Variants in ZNF723 observed in about 807,000 individuals in gnomAD.
ZNF723 encodes the protein zinc finger protein 723.
Under a neutral mutation model 9.4 loss-of-function variants are expected in ZNF723, and 5 were observed. That is an observed-to-expected ratio of 0.53 (90% CI 0.28 to 1.12). The LOEUF is 1.12. ZNF723 is among the 50% of genes most tolerant of loss of function. The probability of loss-of-function intolerance (pLI) is 0.10; values close to 1 mark genes in which losing one functional copy is unlikely to be tolerated. For missense variants in ZNF723, 450 were observed against 501.5 expected (o/e 0.90, Z 0.98); for synonymous variants, 158 against 168.8 (o/e 0.94, Z 0.49).
the ZNF723 span, among the ~76,000 whole-genome samples, chr19:22,823,866 G>T: frequency 1.3e-5 from 2 of 152,198 alleles, no homozygotes; most frequent in African/African-American, 2.4e-5. Flanking sequence ...ATATCACTGA[G>T]CCCAGCACCT....
At chr19:22,821,388 T>G in the ZNF723 span, among the ~76,000 whole-genome samples, 100 of 152,252 alleles carry the variant, frequency 6.6e-4, no homozygotes, top group East Asian at 0.01. Context: ...GACATCCTGC[T>G]GGACCCATCG....
chr19:22,837,510 AAT>A (rs1284565800), intron 1 of ZNF723, among the ~76,000 whole-genome samples: 2 of 152,144 alleles, frequency 1.3e-5, no homozygotes, highest in African/African-American at 2.4e-5. Flanking sequence ...TGCCAGAAAA[AAT>A]ATCATGGAGG....
intron 1 of ZNF723, among the ~76,000 whole-genome samples, chr19:22,845,097 T>C (rs1354000486): frequency 6.6e-6 from 1 of 152,138 alleles, no homozygotes; most frequent in Admixed American, 6.5e-5. Flanking sequence ...CCAGCCTGGG[T>C]GACAGAGCGA....
At chr19:22,825,941 T>C in the ZNF723 span, among the ~76,000 whole-genome samples, 1 of 152,262 alleles carries the variant, frequency 6.6e-6, no homozygotes, top group Non-Finnish European at 1.5e-5. Flanking sequence ...AATTACGACA[T>C]ATTGCTGAGT....
At chr19:22,838,759 T>C (rs1157231770) in intron 1 of ZNF723, among the ~76,000 whole-genome samples, 1 of 152,006 alleles carries the variant, frequency 6.6e-6, no homozygotes, top group African/African-American at 2.4e-5. Context: ...ATTATTATTA[T>C]TTTTTGAGAT....
rs760924027 is a variant in ZNF723, at chr19:22,846,813, C to CTTTT, written c.4-1423_4-1420dup. Among the ~76,000 whole-genome samples, 10 of 69,132 alleles carry CTTTT rather than the reference C, an allele frequency of 1.4e-4. 1 individual carries two copies. The highest frequency in any genetic ancestry group is 5.6e-4 in the South Asian group (1 of 1,798). 45.4% of individuals were successfully genotyped at this position (69,132 alleles called of 152,430 possible). ...ATGGTTGCATTCAGCCTATAATTTC[C>CTTTT]TTTTTTTTTTTTTTTTTTTTTTTTT... On this transcript the variant is annotated intron_variant, in intron 1 of 3. Coordinates refer to ENST00000600766, the MANE Select transcript of ZNF723 (RefSeq NM_001349726.2).
At chr19:22,847,266 T>C (rs1181113263) in intron 1 of ZNF723, among the ~76,000 whole-genome samples, 1 of 151,520 alleles carries the variant, frequency 6.6e-6, no homozygotes, top group Non-Finnish European at 1.5e-5. Context: ...CTTTTTTTTT[T>C]TAATTAAGTA....
intron 3 of ZNF723, among the ~76,000 whole-genome samples, chr19:22,852,811 G>C (rs940270257): frequency 6.6e-6 from 1 of 151,898 alleles, no homozygotes; most frequent in Non-Finnish European, 1.5e-5. Context: ...ACAGCTACCA[G>C]TTTTTTTCAT....
intron 1 of ZNF723, among the ~76,000 whole-genome samples, chr19:22,840,225 G>A (rs1231317772): frequency 2.0e-5 from 3 of 151,876 alleles, no homozygotes; most frequent in Non-Finnish European, 2.9e-5. Flanking sequence ...AGGCTGGAGT[G>A]CAATGGCATG....
intron 1 of ZNF723, among the ~76,000 whole-genome samples, chr19:22,838,555 AAG>A (rs1469471300): frequency 6.6e-6 from 1 of 151,910 alleles, no homozygotes; most frequent in African/African-American, 2.4e-5. Flanking sequence ...CTGTCTCAAA[AAG>A]AAAAAAAAAG....
intron 1 of ZNF723, chr19:22,840,660 G>A (rs952578825): frequency 1.3e-5 from 2 of 152,108 alleles, no homozygotes; most frequent in African/African-American, 2.4e-5. Flanking sequence ...TTGCTCAGAT[G>A]GAGAGCTGTT....
intron 3 of ZNF723, among the ~76,000 whole-genome samples, chr19:22,852,849 G>A (rs979013516): frequency 6.6e-6 from 1 of 151,812 alleles, no homozygotes; most frequent in Non-Finnish European, 1.5e-5. Flanking sequence ...ATGCCACTAT[G>A]TTTTCTGTTT....
chr19:22,847,124 G>GGAAT (rs946196062), intron 1 of ZNF723, among the ~76,000 whole-genome samples: 3 of 150,934 alleles, frequency 2.0e-5, no homozygotes, highest in African/African-American at 7.3e-5. Flanking sequence ...TGCCCAGCTT[G>GGAAT]GAATGTAGTG....
At chr19:22,843,563 C>T (rs1410250170) in intron 1 of ZNF723, among the ~76,000 whole-genome samples, 2 of 152,096 alleles carry the variant, frequency 1.3e-5, no homozygotes, top group East Asian at 3.9e-4. Context: ...ATCCAGGAAC[C>T]ATCCAGGAAC....
chr19:22,858,612 A>G lies in ZNF723; in HGVS notation c.*179A>G, dbSNP rs1055440905. On this transcript the variant is annotated 3_prime_UTR_variant, in exon 4 of 4. Coordinates refer to ENST00000600766, the MANE Select transcript of ZNF723 (RefSeq NM_001349726.2). ...AACAACGTCTCTACTAAAATACAAA[A>G]AAAATTAGCCGGGTGTAGTGGTGGG... is the stretch of plus-strand genomic sequence containing the variant. 8 of 431,448 alleles carry G rather than the reference A, an allele frequency of 1.9e-5. No homozygotes were observed. Among genetic ancestry groups the G allele is most frequent in the African/African-American group, 1.0e-4 (5 of 49,164 alleles). 26.7% of individuals were successfully genotyped at this position (431,448 alleles called of 1,614,324 possible).
upstream of ZNF723, among the ~76,000 whole-genome samples, chr19:22,829,245 C>A (rs949869133): frequency 6.8e-6 from 1 of 147,986 alleles, no homozygotes; most frequent in African/African-American, 2.5e-5. Flanking sequence ...AAAAAAAACA[C>A]AGTTCTGCTA....
upstream of ZNF723, among the ~76,000 whole-genome samples, chr19:22,828,819 A>G (rs1479550183): frequency 6.6e-6 from 1 of 152,146 alleles, no homozygotes; most frequent in Non-Finnish European, 1.5e-5. Context: ...GGCCAGGTTT[A>G]TATTTTTCTT....
chr19:22,831,887 G>C (rs1378744284), upstream of ZNF723, among the ~76,000 whole-genome samples: 1 of 144,818 alleles, frequency 6.9e-6, no homozygotes, highest in East Asian at 2.0e-4. Flanking sequence ...CATCCTGGGC[G>C]ACAAGAGCGA....
chr19:22,858,259 AG>A lies in ZNF723; in HGVS notation c.1369del (p.Glu457AsnfsTer17). 1 of 1,328,556 alleles carries A rather than the reference AG, an allele frequency of 7.5e-7. No individual in the cohort carries two copies. Among genetic ancestry groups the A allele is most frequent in the Non-Finnish European group, 1.1e-6 (1 of 922,698 alleles). The allele number at this position is 1,328,556 out of a possible 1,614,324, so 82.3% of individuals were successfully genotyped here. Reference protein sequence around the residue: ...HTKEKPYKCEECGKAFNQYST... With the variant: ...HTKEKPYKCEXCGKAFNQYST... Reference sequence around the variant, plus strand: ...CTAAAGAGAAACCCTACAAATGTGAAGAATGTGGCAAAGCTTTTAACCAATA... The same window carrying A: ...CTAAAGAGAAACCCTACAAATGTGAAAATGTGGCAAAGCTTTTAACCAATA... On this transcript the variant is annotated frameshift_variant, in exon 4 of 4. Coordinates refer to ENST00000600766, the MANE Select transcript of ZNF723 (RefSeq NM_001349726.2). LOFTEE classifies it low-confidence loss of function (END_TRUNC).
Sources: gnomAD v4.1 joint callset for allele counts (sites outside exome capture counted in the v4.1 genomes callset) on GRCh38, gnomAD v4.1.1 for gene constraint, MANE v1.5 for transcripts, NCBI Gene and HGNC (gene_info 2026-07-23, HGNC 2026-07-21) for gene names.